GAS7: variants seen among roughly 807,000 people sequenced by gnomAD.
GAS7 encodes growth arrest-specific protein 7.
Under a neutral mutation model 71.1 loss-of-function variants are expected in GAS7, and 28 were observed. The observed-to-expected ratio is 0.39, with a 90% CI of 0.29 to 0.54. GAS7 has a LOEUF of 0.54. Ranked by LOEUF, GAS7 falls within the 20% of genes least tolerant of loss-of-function variation. The probability of loss-of-function intolerance (pLI) is 0.62; values close to 1 mark genes in which losing one functional copy is unlikely to be tolerated. For missense variants in GAS7, 436 were observed against 627.8 expected, an observed-to-expected ratio of 0.69 and a Z score of 3.27; for synonymous variants, 258 against 245.8, an observed-to-expected ratio of 1.05 and a Z score of -0.46.
intron 1 of GAS7, among the ~76,000 whole-genome samples, chr17:10,115,794 C>G (rs1183157429): frequency 6.6e-6 from 1 of 152,174 alleles, no homozygotes; most frequent in Non-Finnish European, 1.5e-5. Flanking sequence ...AAAACCGTGC[C>G]CCACTCACCA....
In GAS7 at chr17:10,034,534, C is replaced by G. The variant is rs549652349; in HGVS notation, c.184-14637G>C. On this transcript the variant is annotated intron_variant, in intron 1 of 13. Coordinates refer to ENST00000432992, the MANE Select transcript of GAS7 (RefSeq NM_201433.2). This position sits in a 1 kb window ranked among gnomAD's most constrained non-coding sequence, Gnocchi z 4.4. ...ACGTTGACCAGGCTGGCCTTGAACT[C>G]CTGACCTCAGGTGATCTGCCCACCT... 2.6e-5 allele frequency among the ~76,000 whole-genome samples: 4 copies of G among 152,262 alleles called. No individual in the cohort carries two copies. The East Asian group carries it at 7.7e-4, about 29-fold the overall frequency.
At chr17:10,016,901 G>A (rs2072045468) in intron 2 of GAS7, among the ~76,000 whole-genome samples, 1 of 150,796 alleles carries the variant, frequency 6.6e-6, no homozygotes, top group African/African-American at 2.4e-5. Flanking sequence ...AGTGAGCCAT[G>A]ATCGTGCCAC....
intron 1 of GAS7, among the ~76,000 whole-genome samples, chr17:10,197,834 C>A (rs978197007): frequency 6.6e-6 from 1 of 152,222 alleles, no homozygotes; most frequent in Non-Finnish European, 1.5e-5. Flanking sequence ...TTTCTCGCAC[C>A]CCTGATCCTC....
intron 1 of GAS7, among the ~76,000 whole-genome samples, chr17:10,130,880 G>A (rs2073991817): frequency 6.6e-6 from 1 of 152,200 alleles, no homozygotes; most frequent in Admixed American, 6.5e-5. Flanking sequence ...GACTGCTAAT[G>A]GGAATGGCAT....
intron 1 of GAS7, among the ~76,000 whole-genome samples, chr17:10,098,027 G>C (rs1484857978): frequency 1.4e-5 from 2 of 144,014 alleles, no homozygotes; most frequent in Non-Finnish European, 3.0e-5. Context: ...CCGGGTGACA[G>C]AGCAAGACTC....
chr17:10,099,841 T>A (rs2073681637), intron 1 of GAS7, among the ~76,000 whole-genome samples: 1 of 152,218 alleles, frequency 6.6e-6, no homozygotes. Flanking sequence ...GTGTAATTCG[T>A]TACCTTTCTT....
At chr17:10,027,600 T>A (rs562622595) in intron 1 of GAS7, among the ~76,000 whole-genome samples, 14 of 152,236 alleles carry the variant, frequency 9.2e-5, no homozygotes, top group South Asian at 2.1e-4. Flanking sequence ...CCTTCCACCA[T>A]GTGAGGACAC....
intron 2 of GAS7, among the ~76,000 whole-genome samples, chr17:10,000,987 T>C (rs7214725): frequency 0.13 from 20,101 of 151,872 alleles, 1,758 homozygotes; most frequent in African/African-American, 0.24. Context: ...GGCTGGGCAT[T>C]GTTGGATGCT....
chr17:10,019,124 G>A (rs2072160462), intron 2 of GAS7, among the ~76,000 whole-genome samples: 1 of 152,072 alleles, frequency 6.6e-6, no homozygotes, highest in Admixed American at 6.5e-5. Flanking sequence ...TGGGGATCCT[G>A]GGGTCATTTG....
At chr17:10,123,945 T>A (rs1304220161) in intron 1 of GAS7, among the ~76,000 whole-genome samples, 1 of 152,156 alleles carries the variant, frequency 6.6e-6, no homozygotes, top group Non-Finnish European at 1.5e-5. Flanking sequence ...AAGAGGCCAG[T>A]GGGGCAGGCA....
At position 9,918,016 on chromosome 17, in the gene GAS7, G is replaced by A. The variant is rs1357692418; in HGVS notation, c.1302C>T (p.Asp434=). Residue 434 remains aspartate, a synonymous_variant, in exon 13 of 14, where the codon GAC becomes GAT. Coordinates refer to ENST00000432992, the MANE Select transcript of GAS7 (RefSeq NM_201433.2). Reference sequence around the variant, plus strand: ...GGAAACTCACGCTTTGGTTGAACATGTCTGTTTCATGCCGCAGCTGCGTGT... The same window carrying A: ...GGAAACTCACGCTTTGGTTGAACATATCTGTTTCATGCCGCAGCTGCGTGT... ...CQYTQLRHET[D]MFNQSTVEPV... is the part of the protein sequence containing the mutation. 1 of 1,612,878 alleles carries A rather than the reference G, an allele frequency of 6.2e-7. No individual in the cohort carries two copies. The highest frequency in any genetic ancestry group is 1.3e-5 in the African/African-American group (1 of 75,054).
At chr17:10,140,138 A>G (rs1043858036) in intron 1 of GAS7, among the ~76,000 whole-genome samples, 1 of 152,208 alleles carries the variant, frequency 6.6e-6, no homozygotes, top group South Asian at 2.1e-4. Flanking sequence ...CCACAATGAC[A>G]TAAGACTAAT....
At chr17:9,918,784 A>G (rs1485562033) in intron 12 of GAS7, among the ~76,000 whole-genome samples, 3 of 152,150 alleles carry the variant, frequency 2.0e-5, no homozygotes, top group Non-Finnish European at 4.4e-5. Context: ...TGTCTTTGGA[A>G]TCTAGGGGAT....
At chr17:10,196,631 C>G (rs1234353168) in intron 1 of GAS7, among the ~76,000 whole-genome samples, 1 of 152,166 alleles carries the variant, frequency 6.6e-6, no homozygotes, top group Admixed American at 6.5e-5. Context: ...ACCTACCCAG[C>G]CTCACCCCTA....
intron 1 of GAS7, among the ~76,000 whole-genome samples, chr17:10,082,521 C>A (rs1027050333): frequency 6.6e-6 from 1 of 152,154 alleles, no homozygotes; most frequent in Non-Finnish European, 1.5e-5. Context: ...GGAGGTAGAA[C>A]AACAGAAGCT....
At chr17:9,928,940 G>C (rs1268397454) in intron 9 of GAS7, among the ~76,000 whole-genome samples, 1 of 152,156 alleles carries the variant, frequency 6.6e-6, no homozygotes, top group Non-Finnish European at 1.5e-5. Flanking sequence ...ACAGAGAACT[G>C]GCCATCCAAA....
At chr17:10,013,602 T>C (rs1411452980) in intron 2 of GAS7, among the ~76,000 whole-genome samples, 2 of 152,232 alleles carry the variant, frequency 1.3e-5, no homozygotes, top group South Asian at 2.1e-4. Context: ...TCTGATGGCA[T>C]TGGCAAGTTT....
At chr17:10,046,692 C>G (rs180746589) in intron 1 of GAS7, among the ~76,000 whole-genome samples, 1 of 145,644 alleles carries the variant, frequency 6.9e-6, no homozygotes, top group Non-Finnish European at 1.5e-5. Flanking sequence ...GCCGAGATCA[C>G]GCCACTGCAC....
intron 4 of GAS7, among the ~76,000 whole-genome samples, chr17:9,963,039 GA>G (rs71139010): frequency 8.8e-4 from 115 of 130,984 alleles, no homozygotes; most frequent in Non-Finnish European, 7.8e-4. Context: ...TCAAGGTGAT[GA>G]AAAAAAAAAA....
Sources: gnomAD v4.1 joint callset for allele counts (sites outside exome capture counted in the v4.1 genomes callset) on GRCh38, gnomAD v4.1.1 for gene constraint, Gnocchi (gnomAD v3.1) non-coding constraint, MANE v1.5 for transcripts, NCBI Gene and HGNC (gene_info 2026-07-23, HGNC 2026-07-21) for gene names.